The following MSRA variants were observed in gnomAD, a reference collection of about 807,000 sequenced individuals.
MSRA encodes methionine sulfoxide reductase A, also known as mitochondrial peptide methionine sulfoxide reductase.
Under a neutral mutation model 31.3 loss-of-function variants are expected in MSRA, and 54 were observed. That is an observed-to-expected ratio of 1.73 (90% CI 1.39 to 2.17). The LOEUF (loss-of-function observed/expected upper bound fraction) is 2.17. Ranked by LOEUF, MSRA falls within the 30% of genes most tolerant of loss-of-function variation. The pLI is 0.00. For synonymous variants in MSRA, 169 were observed against 116.5 expected (o/e 1.45, Z -2.90); for missense variants, 507 against 300.9 (o/e 1.69, Z -5.07).
chr8:10,225,227 C>T (rs982498803), intron 2 of MSRA, among the ~76,000 whole-genome samples: 1 of 152,224 alleles, frequency 6.6e-6, no homozygotes, highest in African/African-American at 2.4e-5. Context: ...CCACTGCACA[C>T]CCTCCCATGT....
intron 1 of MSRA, among the ~76,000 whole-genome samples, chr8:10,194,717 A>T (rs1807826683): frequency 6.6e-6 from 1 of 152,164 alleles, no homozygotes; most frequent in Non-Finnish European, 1.5e-5. Context: ...TACAAATGGG[A>T]TCATCTTTGA....
intron 1 of MSRA, among the ~76,000 whole-genome samples, chr8:10,200,195 C>T (rs28701812): frequency 3.3e-5 from 5 of 151,958 alleles, no homozygotes; most frequent in Admixed American, 6.5e-5. Context: ...GCCAGATGGT[C>T]GTGGAGGGCG....
intron 1 of MSRA, chr8:10,095,987 A>G (rs746465925): frequency 2.1e-6 from 3 of 1,434,412 alleles, no homozygotes; most frequent in East Asian, 2.6e-5. Context: ...TTGTTCATCA[A>G]TACAAACCTG....
chr8:10,280,913 A>G (rs540130302), intron 3 of MSRA, among the ~76,000 whole-genome samples: 1 of 152,228 alleles, frequency 6.6e-6, no homozygotes, highest in East Asian at 1.9e-4. Flanking sequence ...AAAACCATAG[A>G]GTGTATGATT....
chr8:10,184,118 G>T (rs1806807218), intron 1 of MSRA, among the ~76,000 whole-genome samples: 1 of 151,822 alleles, frequency 6.6e-6, no homozygotes, highest in African/African-American at 2.4e-5. Flanking sequence ...CTTGGTGGTG[G>T]TGCTGTTAGT....
chr8:10,282,525 C>T (rs1799675765), intron 3 of MSRA, among the ~76,000 whole-genome samples: 1 of 152,218 alleles, frequency 6.6e-6, no homozygotes, highest in South Asian at 2.1e-4. Context: ...TCTGTGTCCC[C>T]TTGGTGTCCA....
chr8:10,223,909 T>C (rs1810751571), intron 2 of MSRA, among the ~76,000 whole-genome samples: 1 of 152,092 alleles, frequency 6.6e-6, no homozygotes. Context: ...AACAAATGGG[T>C]TTTGGTGACA....
chr8:10,261,502 G>A (rs1003221720), intron 3 of MSRA, among the ~76,000 whole-genome samples: 3 of 152,132 alleles, frequency 2.0e-5, no homozygotes, highest in South Asian at 2.1e-4. Flanking sequence ...TTGAGACCAG[G>A]CTGGGCAAGA....
chr8:10,362,461 C>CAAAAA (rs11388593), intron 5 of MSRA, among the ~76,000 whole-genome samples: 2 of 76,710 alleles, frequency 2.6e-5, no homozygotes, highest in African/African-American at 9.9e-5. Flanking sequence ...ATACCATAAG[C>CAAAAA]AAAAAAAAAA....
At chr8:10,103,182 G>A (rs978676807) in intron 1 of MSRA, among the ~76,000 whole-genome samples, 46 of 152,120 alleles carry the variant, frequency 3.0e-4, no homozygotes, top group Non-Finnish European at 5.7e-4. Flanking sequence ...ATTAACATGC[G>A]AGGTTTTATC....
At chr8:10,402,798 G>A (rs1258464738) in intron 5 of MSRA, among the ~76,000 whole-genome samples, 2 of 152,218 alleles carry the variant, frequency 1.3e-5, no homozygotes, top group East Asian at 3.8e-4. Context: ...GCTTTGCAAT[G>A]TGGAATCAGT....
chr8:10,169,831 A>G (rs575595831), intron 1 of MSRA, among the ~76,000 whole-genome samples: 2 of 151,308 alleles, frequency 1.3e-5, no homozygotes, highest in African/African-American at 4.9e-5. Context: ...TAAGTTTTGT[A>G]TGTTGACCTT....
chr8:10,074,917 C>A (rs1386972856), intron 1 of MSRA, among the ~76,000 whole-genome samples: 2 of 152,112 alleles, frequency 1.3e-5, no homozygotes, highest in Non-Finnish European at 2.9e-5. Flanking sequence ...TCTCGGCCTC[C>A]CGAAGTGCTG....
In MSRA at chr8:10,183,772, C is replaced by CTTG. The variant is rs1490553735; in HGVS notation, c.143-24060_143-24059insTGT. ...TGTGGCATCAGGGTGACAAGCTGAGCTGGTGGTGGTGGTGGTGGTGGTGGT... is the reference window on the plus strand; with the variant it reads ...TGTGGCATCAGGGTGACAAGCTGAGCTTGTGGTGGTGGTGGTGGTGGTGGTGGT... On this transcript the variant is annotated intron_variant, in intron 1 of 5. Transcript: ENST00000317173. Among the ~76,000 whole-genome samples the CTTG allele has an allele frequency of 1.8e-3, 255 of 142,006 alleles. 1 individual carries two copies. Among genetic ancestry groups the CTTG allele is most frequent in the African/African-American group, 6.6e-3 (247 of 37,188 alleles). 93.2% of individuals were successfully genotyped at this position (142,006 alleles called of 152,430 possible). A position where few individuals can be genotyped will look rare whatever the true frequency, so the allele number is the denominator to read the frequency against.
At chr8:10,113,702 G>A (rs951598923) in intron 1 of MSRA, among the ~76,000 whole-genome samples, 3 of 151,918 alleles carry the variant, frequency 2.0e-5, no homozygotes, top group Non-Finnish European at 2.9e-5. Context: ...AATTTATGGT[G>A]ACACCAATCT....
chr8:10,278,012 T>G (rs1211979570), intron 3 of MSRA, among the ~76,000 whole-genome samples: 1 of 152,220 alleles, frequency 6.6e-6, no homozygotes, highest in African/African-American at 2.4e-5. Context: ...TTCCATTTTT[T>G]CCCTTCATTT....
At chr8:10,279,863 G>C (rs1205507229) in intron 3 of MSRA, among the ~76,000 whole-genome samples, 1 of 152,114 alleles carries the variant, frequency 6.6e-6, no homozygotes, top group African/African-American at 2.4e-5. Context: ...TGTGCTTCTG[G>C]AGCTATTTCA....
chr8:10,235,135 A>G (rs1811840143), intron 2 of MSRA, among the ~76,000 whole-genome samples: 1 of 152,186 alleles, frequency 6.6e-6, no homozygotes, highest in Non-Finnish European at 1.5e-5. Context: ...CTTTTCAAGC[A>G]CACATAGAAT....
At chr8:10,264,964 T>TG (rs1181258602) in intron 3 of MSRA, among the ~76,000 whole-genome samples, 38 of 152,112 alleles carry the variant, frequency 2.5e-4, no homozygotes, top group African/African-American at 9.2e-4. Flanking sequence ...CCACTGGAGC[T>TG]GGGGTACAGC....
Sources: allele counts gnomAD v4.1 joint callset (sites outside exome capture counted in the v4.1 genomes callset), GRCh38; gene constraint gnomAD v4.1.1; transcripts MANE v1.5; gene names NCBI Gene and HGNC (gene_info 2026-07-23, HGNC 2026-07-21).